Variants in FSTL5 observed in about 807,000 individuals in gnomAD.
The protein encoded by FSTL5 is follistatin like 5, also known as follistatin-related protein 5.
In FSTL5, 62 loss-of-function variants were observed where a neutral mutation model predicts 89.1. The observed-to-expected ratio is 0.70, with a 90% CI of 0.57 to 0.86. FSTL5 has a LOEUF of 0.86. FSTL5 is among the 40% of genes least tolerant of loss of function. The pLI, the probability that FSTL5 is intolerant of heterozygous loss-of-function variation, is 0.00. For missense variants in FSTL5, 1,057 were observed against 1,001.6 expected (o/e 1.06, Z -0.75); for synonymous variants, 383 against 346.2 (o/e 1.11, Z -1.18).
At chr4:162,153,656 TATATA>T (rs1386400745) in intron 1 of FSTL5, among the ~76,000 whole-genome samples, 1 of 113,956 alleles carries the variant, frequency 8.8e-6, no homozygotes, top group African/African-American at 3.2e-5. Flanking sequence ...ATTATATATG[TATATA>T]ATATATGTAT....
At chr4:161,782,695 C>G (rs554968249) in intron 4 of FSTL5, among the ~76,000 whole-genome samples, 1 of 152,048 alleles carries the variant, frequency 6.6e-6, no homozygotes, top group Non-Finnish European at 1.5e-5. Context: ...AGGGAAGTAT[C>G]GTGAGTTAAA....
intron 6 of FSTL5, among the ~76,000 whole-genome samples, chr4:161,704,482 A>G (rs962938577): frequency 1.3e-5 from 2 of 152,112 alleles, no homozygotes; most frequent in African/African-American, 4.8e-5. Context: ...CTCACTCTTA[A>G]AACACACTAT....
At chr4:161,736,755 C>T (rs1739830594) in intron 6 of FSTL5, among the ~76,000 whole-genome samples, 1 of 152,074 alleles carries the variant, frequency 6.6e-6, no homozygotes, top group South Asian at 2.1e-4. Flanking sequence ...CAGTTAAAAA[C>T]AGATTCCTCT....
intron 10 of FSTL5, among the ~76,000 whole-genome samples, chr4:161,514,959 A>G (rs972717476): frequency 3.9e-5 from 6 of 152,142 alleles, no homozygotes; most frequent in African/African-American, 1.2e-4. Flanking sequence ...TAGAAAGTGT[A>G]GCAAATTAAA....
At chr4:161,544,047 G>T (rs892164717) in intron 8 of FSTL5, among the ~76,000 whole-genome samples, 1 of 151,648 alleles carries the variant, frequency 6.6e-6, no homozygotes, top group African/African-American at 2.4e-5. Context: ...AGCCAACAAT[G>T]CAATTAAAAT....
chr4:161,489,730 T>C (rs1242451769), intron 12 of FSTL5, among the ~76,000 whole-genome samples: 1 of 152,136 alleles, frequency 6.6e-6, no homozygotes, highest in Non-Finnish European at 1.5e-5. Context: ...CCCCCAACTA[T>C]TGATTAATAA....
At chr4:161,923,782 C>G (rs2110872684) in intron 3 of FSTL5, among the ~76,000 whole-genome samples, 2 of 151,542 alleles carry the variant, frequency 1.3e-5, no homozygotes, top group South Asian at 4.2e-4. Flanking sequence ...TCTCTTAAAT[C>G]CTTTCTCTTA....
At position 161,677,590 on chromosome 4, in the gene FSTL5, C is replaced by T. The variant is rs973317212; in HGVS notation, c.728-21096G>A. ...CAAAAAAATATTAGCTACAAAGTTT[C>T]GAGGATATCAATACTAAACTCTGGC... On this transcript the variant is annotated intron_variant, in intron 6 of 15. Coordinates refer to ENST00000306100, the MANE Select transcript of FSTL5 (RefSeq NM_020116.5). 1.1e-3 allele frequency among the ~76,000 whole-genome samples: 173 copies of T among 151,848 alleles called. 2 individuals are homozygous for T. The highest frequency in any genetic ancestry group is 4.0e-3 in the African/African-American group (167 of 41,352).
At chr4:161,940,814 A>G (rs1734559903) in intron 3 of FSTL5, among the ~76,000 whole-genome samples, 1 of 151,036 alleles carries the variant, frequency 6.6e-6, no homozygotes, top group Non-Finnish European at 1.5e-5. Context: ...TCAAAGCAAC[A>G]TGAAAAAAAC....
At chr4:161,813,666 T>C (rs1429404311) in intron 4 of FSTL5, among the ~76,000 whole-genome samples, 1 of 152,168 alleles carries the variant, frequency 6.6e-6, no homozygotes, top group African/African-American at 2.4e-5. Context: ...TCTCTAGAAA[T>C]TGACTTCTTT....
At chr4:161,491,006 A>C (rs1273319543) in intron 12 of FSTL5, among the ~76,000 whole-genome samples, 1 of 152,066 alleles carries the variant, frequency 6.6e-6, no homozygotes, top group Non-Finnish European at 1.5e-5. Flanking sequence ...TTCATTTTAC[A>C]TGAAAACAGA....
intron 1 of FSTL5, among the ~76,000 whole-genome samples, chr4:162,134,243 A>G (rs895739670): frequency 6.6e-6 from 1 of 152,220 alleles, no homozygotes; most frequent in Admixed American, 6.5e-5. Flanking sequence ...GCACGGTGGT[A>G]TCTCAGGCCA....
chr4:161,681,834 C>T (rs963496030), intron 6 of FSTL5, among the ~76,000 whole-genome samples: 11 of 151,900 alleles, frequency 7.2e-5, no homozygotes, highest in African/African-American at 1.7e-4. Context: ...AAAATCATTG[C>T]GGGAAGGTGT....
intron 6 of FSTL5, among the ~76,000 whole-genome samples, chr4:161,666,455 A>G (rs941497978): frequency 8.5e-5 from 13 of 152,174 alleles, no homozygotes; most frequent in African/African-American, 3.1e-4. Flanking sequence ...AAATGTATAC[A>G]TAAACTTGCT....
intron 4 of FSTL5, among the ~76,000 whole-genome samples, chr4:161,902,772 C>A: frequency 6.6e-6 from 1 of 152,042 alleles, no homozygotes; most frequent in Non-Finnish European, 1.5e-5. Flanking sequence ...TGGCGTGAAC[C>A]CGGGAGGCGG....
chr4:161,564,944 T>C (rs1346368377), intron 8 of FSTL5, among the ~76,000 whole-genome samples: 10 of 151,950 alleles, frequency 6.6e-5, no homozygotes, highest in Admixed American at 5.9e-4. Flanking sequence ...ACAAATGATA[T>C]ATTTTCTATT....
chr4:161,799,220 G>C (rs1268015847), intron 4 of FSTL5, among the ~76,000 whole-genome samples: 1 of 151,548 alleles, frequency 6.6e-6, no homozygotes, highest in African/African-American at 2.4e-5. Flanking sequence ...AGAGCTTGCG[G>C]CAGTTTATAG....
At chr4:161,833,240 G>A (rs904040497) in intron 4 of FSTL5, among the ~76,000 whole-genome samples, 3 of 151,944 alleles carry the variant, frequency 2.0e-5, no homozygotes, top group Non-Finnish European at 4.4e-5. Flanking sequence ...ACTGTGGTCT[G>A]AGAGACAGTT....
chr4:161,744,397 T>G (rs1740122855), intron 6 of FSTL5, among the ~76,000 whole-genome samples: 1 of 152,166 alleles, frequency 6.6e-6, no homozygotes, highest in Non-Finnish European at 1.5e-5. Flanking sequence ...TTGAATTATA[T>G]TCTCTATGAC....
Sources: gnomAD v4.1 joint callset for allele counts (sites outside exome capture counted in the v4.1 genomes callset) on GRCh38, gnomAD v4.1.1 for gene constraint, MANE v1.5 for transcripts, NCBI Gene and HGNC (gene_info 2026-07-23, HGNC 2026-07-21) for gene names.